TOP1: variants seen among roughly 807,000 people sequenced by gnomAD.
TOP1 encodes DNA topoisomerase 1.
In TOP1, 10 loss-of-function variants were observed where a neutral mutation model predicts 111.1. The ratio of observed to expected loss-of-function variants is 0.09; its 90% confidence interval spans 0.06 to 0.15. TOP1 has a LOEUF of 0.15. Ranked by LOEUF, TOP1 falls within the 10% of genes least tolerant of loss-of-function variation. The probability of loss-of-function intolerance (pLI) is 1.00; values close to 1 mark genes in which losing one functional copy is unlikely to be tolerated. For missense variants in TOP1, 474 were observed against 926.7 expected (o/e 0.51, Z 6.34); for synonymous variants, 271 against 302.9 (o/e 0.89, Z 1.10).
intron 8 of TOP1, among the ~76,000 whole-genome samples, chr20:41,085,270 C>CA (rs891460717): frequency 1.8e-4 from 28 of 151,658 alleles, no homozygotes; most frequent in East Asian, 9.7e-4. Context: ...ATCAAAGATG[C>CA]AAAAAAAATG....
rs1381528829 is a variant in TOP1, at chr20:41,034,768, T to A, written c.58+5313T>A. Reference sequence around the variant, plus strand: ...GATCGTAATATCAACTTTGGCTATCTGTATCGAAGTTTGTATTAACTGTCT... The same window carrying A: ...GATCGTAATATCAACTTTGGCTATCAGTATCGAAGTTTGTATTAACTGTCT... On this transcript the variant is annotated intron_variant, in intron 2 of 20. Transcript: ENST00000361337. This position sits in a 1 kb window ranked among gnomAD's most constrained non-coding sequence, Gnocchi z 4.0. Among the ~76,000 whole-genome samples the A allele has an allele frequency of 1.3e-5, 2 of 152,228 alleles. No individual in the cohort carries two copies. The highest frequency in any genetic ancestry group is 2.9e-5 in the Non-Finnish European group (2 of 68,044).
At position 41,069,558 on chromosome 20, in the gene TOP1, T is replaced by C. The variant is rs1219552414; in HGVS notation, c.156-6613T>C. ...TTGGTCAAGGGTTGATAACAGTACC[T>C]GCTTTATCAATCTTTCAAGTTTGTT... is the stretch of plus-strand genomic sequence containing the variant. On this transcript the variant is annotated intron_variant, in intron 3 of 20. Coordinates refer to ENST00000361337, the MANE Select transcript of TOP1 (RefSeq NM_003286.4). The surrounding 1 kb of genome is among the most constrained non-coding windows in gnomAD (Gnocchi z 4.1). Among the ~76,000 whole-genome samples the C allele has an allele frequency of 1.3e-5, 2 of 152,212 alleles. No individual in the cohort carries two copies. Among genetic ancestry groups the C allele is most frequent in the Admixed American group, 1.3e-4 (2 of 15,278 alleles).
chr20:41,076,801 G>A (rs1324052355), intron 4 of TOP1, among the ~76,000 whole-genome samples: 1 of 152,144 alleles, frequency 6.6e-6, no homozygotes, highest in Non-Finnish European at 1.5e-5. Context: ...GGTAAATTCA[G>A]ATACTATGAA....
intron 3 of TOP1, among the ~76,000 whole-genome samples, chr20:41,066,562 T>C (rs527945649): frequency 3.6e-4 from 53 of 147,706 alleles, no homozygotes; most frequent in Admixed American, 1.7e-3. Context: ...CTTTTCTTTT[T>C]TTTTTTTTTT....
At position 41,114,875 on chromosome 20, in the gene TOP1, C is replaced by T. The variant is rs768004940; in HGVS notation, c.1639-496C>T. ...CTCTTCTTATAAAGACACCTCTTCTCATAAGGACACCATAATCAGTAATCA... is the reference window on the plus strand; with the variant it reads ...CTCTTCTTATAAAGACACCTCTTCTTATAAGGACACCATAATCAGTAATCA... On this transcript the variant is annotated intron_variant, in intron 15 of 20. Coordinates refer to ENST00000361337, the MANE Select transcript of TOP1 (RefSeq NM_003286.4). The surrounding 1 kb of genome is among the most constrained non-coding windows in gnomAD (Gnocchi z 4.5). 3.3e-5 allele frequency among the ~76,000 whole-genome samples: 5 copies of T among 152,178 alleles called. No homozygotes were observed. Among genetic ancestry groups the T allele is most frequent in the Admixed American group, 2.6e-4 (4 of 15,278 alleles).
At position 41,062,873 on chromosome 20, in the gene TOP1, T is replaced by C. The variant is rs142254244; in HGVS notation, c.155+1383T>C. Among the ~76,000 whole-genome samples, 939 of 152,358 alleles carry C rather than the reference T, an allele frequency of 6.2e-3. 5 individuals are homozygous for C. The highest frequency in any genetic ancestry group is 0.011 in the Non-Finnish European group (720 of 68,012). On this transcript the variant is annotated intron_variant, in intron 3 of 20. Transcript: ENST00000361337. ...ACCAACTTGATCTAATCGACATTTA[T>C]AGGTTTTTCCCATCCAACAATATTA...
chr20:41,031,950 T>C (rs1028065024), intron 2 of TOP1, among the ~76,000 whole-genome samples: 3 of 152,240 alleles, frequency 2.0e-5, no homozygotes, highest in Non-Finnish European at 4.4e-5. Context: ...AATTATTCTT[T>C]GTGAATATTG....
Position 41,079,183 on chromosome 20 carries a change from T to G in TOP1, c.336-902T>G, listed in dbSNP as rs1034937813. 6.6e-6 allele frequency among the ~76,000 whole-genome samples: 1 copy of G among 152,178 alleles called. No homozygotes were observed. Among genetic ancestry groups the G allele is most frequent in the Non-Finnish European group, 1.5e-5 (1 of 68,024 alleles). On this transcript the variant is annotated intron_variant, in intron 5 of 20. Transcript: ENST00000361337. This position sits in a 1 kb window ranked among gnomAD's most constrained non-coding sequence, Gnocchi z 4.0. Reference sequence around the variant, plus strand: ...TACTCTTGAAACCCTGTGAATATACTTTGCAGTGGGGTCGGGATTCTTAAT... The same window carrying G: ...TACTCTTGAAACCCTGTGAATATACGTTGCAGTGGGGTCGGGATTCTTAAT...
chr20:41,044,913 C>G (rs936233956), intron 2 of TOP1, among the ~76,000 whole-genome samples: 1 of 152,168 alleles, frequency 6.6e-6, no homozygotes, highest in South Asian at 2.1e-4. Flanking sequence ...CTCAGCCTCC[C>G]GATAGCTAGG....
In TOP1 at chr20:41,121,932, A is replaced by C; in HGVS notation, c.2046-74A>C. On this transcript the variant is annotated intron_variant, in intron 19 of 20. Coordinates refer to ENST00000361337, the MANE Select transcript of TOP1 (RefSeq NM_003286.4). The surrounding 1 kb of genome is among the most constrained non-coding windows in gnomAD (Gnocchi z 4.2). Reference sequence around the variant, plus strand: ...TATACTAGGGCTTTTATTGACTCAAAGTGGCAGGATGGGTACAGTGTGCTC... The same window carrying C: ...TATACTAGGGCTTTTATTGACTCAACGTGGCAGGATGGGTACAGTGTGCTC... 1 of 1,579,612 alleles carries C rather than the reference A, an allele frequency of 6.3e-7. No homozygotes were observed. The highest frequency in any genetic ancestry group is 8.6e-7 in the Non-Finnish European group (1 of 1,160,052).
chr20:41,091,591 C>G (rs1243108620), intron 8 of TOP1, among the ~76,000 whole-genome samples: 1 of 121,298 alleles, frequency 8.2e-6, no homozygotes, highest in Admixed American at 1.0e-4. Context: ...GAGTCTCACT[C>G]TGTTGCCCAG....
At position 41,078,446 on chromosome 20, in the gene TOP1, A is replaced by G. The variant is rs539837224; in HGVS notation, c.335+809A>G. Among the ~76,000 whole-genome samples the G allele has an allele frequency of 2.0e-5, 3 of 152,156 alleles. No individual in the cohort carries two copies. Among genetic ancestry groups the G allele is most frequent in the Non-Finnish European group, 4.4e-5 (3 of 68,020 alleles). On this transcript the variant is annotated intron_variant, in intron 5 of 20. Transcript: ENST00000361337. This position sits in a 1 kb window ranked among gnomAD's most constrained non-coding sequence, Gnocchi z 5.3. ...GAGTTTTGCTTCCTTGAATCTTTGA[A>G]CTTTCAGTTTCATTTGTTAAAATTT...
At chr20:41,086,361 T>A (rs550973222) in intron 8 of TOP1, among the ~76,000 whole-genome samples, 1 of 152,358 alleles carries the variant, frequency 6.6e-6, no homozygotes, top group African/African-American at 2.4e-5. Flanking sequence ...ATCTTGACCT[T>A]TAAGAAAATG....
intron 3 of TOP1, 40 bp from the exon 4 acceptor site, chr20:41,076,131 C>T (rs2033724554): frequency 1.3e-6 from 2 of 1,581,570 alleles, no homozygotes; most frequent in Non-Finnish European, 1.7e-6. Flanking sequence ...CCTTGTGGTC[C>T]CTACTCTGGG....
chr20:41,068,455 G>T (rs1196634668), intron 3 of TOP1, among the ~76,000 whole-genome samples: 1 of 151,964 alleles, frequency 6.6e-6, no homozygotes, highest in Non-Finnish European at 1.5e-5. Context: ...TGCTAAGCTT[G>T]GGCGCGGTGG....
Position 41,029,125 on chromosome 20 carries a change from G to T in TOP1, c.33+25G>T. On this transcript the variant is annotated intron_variant, in intron 1 of 20. Transcript: ENST00000361337. This position sits in a 1 kb window ranked among gnomAD's most constrained non-coding sequence, Gnocchi z 6.1. ...GGTACGGCCCGGCCTGACCCTGGCG[G>T]CCCCGGACCCCGGCCTGGCCGTCCC... 6.8e-7 allele frequency: 1 copy of T among 1,475,914 alleles called. No individual in the cohort carries two copies. The highest frequency in any genetic ancestry group is 9.0e-7 in the Non-Finnish European group (1 of 1,114,452). The allele number at this position is 1,475,914 out of a possible 1,614,324, so 91.4% of individuals were successfully genotyped here.
chr20:41,036,199 A>G (rs1213120624), intron 2 of TOP1, among the ~76,000 whole-genome samples: 1 of 152,022 alleles, frequency 6.6e-6, no homozygotes, highest in African/African-American at 2.4e-5. Context: ...GATTCTGGAA[A>G]CCCCACTCAG....
Position 41,114,014 on chromosome 20 carries a change from G to A in TOP1, c.1497G>A (p.Ala499=), listed in dbSNP as rs567908619. 2.9e-5 allele frequency: 46 copies of A among 1,613,994 alleles called. No individual in the cohort carries two copies. Among genetic ancestry groups the A allele is most frequent in the South Asian group, 2.3e-4 (21 of 91,080 alleles). ...AGNEKEEGET[A]DTVGCCSLRV... ...ATGAAAAGGAGGAAGGAGAAACAGC[G>A]GACACTGTGGGCTGCTGCTCACTTC... The change falls in exon 15 of 21, where the codon GCG becomes GCA. Residue 499 remains alanine (A), a synonymous_variant. Transcript: ENST00000361337. The surrounding 1 kb of genome is among the most constrained non-coding windows in gnomAD (Gnocchi z 4.5).
chr20:41,046,996 AAG>A lies in TOP1; in HGVS notation c.59-14392_59-14391del, dbSNP rs1372808398. 1.3e-5 allele frequency among the ~76,000 whole-genome samples: 2 copies of A among 152,328 alleles called. No homozygotes were observed. Among genetic ancestry groups the A allele is most frequent in the African/African-American group, 4.8e-5 (2 of 41,560 alleles). On this transcript the variant is annotated intron_variant, in intron 2 of 20. Transcript: ENST00000361337. This position sits in a 1 kb window ranked among gnomAD's most constrained non-coding sequence, Gnocchi z 4.3. ...ATTCATGAGCTGTGTGCAGGGAGAG[AAG>A]AGAGACGAGAACAAGTTAGCAGAAA...
Sources: gnomAD v4.1 joint callset for allele counts (sites outside exome capture counted in the v4.1 genomes callset) on GRCh38, gnomAD v4.1.1 for gene constraint, Gnocchi (gnomAD v3.1) non-coding constraint, MANE v1.5 for transcripts, NCBI Gene and HGNC (gene_info 2026-07-23, HGNC 2026-07-21) for gene names.